TDRD6: variants seen among roughly 807,000 people sequenced by gnomAD.
TDRD6 encodes tudor domain-containing protein 6.
Under a neutral mutation model 157.5 loss-of-function variants are expected in TDRD6, and 186 were observed. The observed-to-expected ratio is 1.18, with a 90% CI of 1.05 to 1.33. The LOEUF (loss-of-function observed/expected upper bound fraction) is 1.33. Among genes scored for constraint, TDRD6 ranks in the 40% most tolerant of loss-of-function variants. The pLI is 0.00. For missense variants in TDRD6, 3,066 were observed against 2,508.0 expected (o/e 1.22, Z -4.75); for synonymous variants, 1,075 against 945.2 (o/e 1.14, Z -2.52).
chr6:46,693,003 G>A lies in TDRD6; in HGVS notation c.4875G>A (p.Leu1625=), dbSNP rs753831074. 6.2e-7 allele frequency: 1 copy of A among 1,612,712 alleles called. No homozygotes were observed. The highest frequency in any genetic ancestry group is 1.3e-5 in the African/African-American group (1 of 74,986). Residue 1625 remains leucine (L), a synonymous_variant, in exon 1 of 4, where the codon CTG becomes CTA. Coordinates refer to ENST00000316081, the MANE Select transcript of TDRD6 (RefSeq NM_001010870.3). The part of the protein sequence containing the change: ...KALWAIPSEL[L]SVPMQAFPCC... ...TCTGGGCCATTCCTTCTGAACTTCT[G>A]TCGGTTCCCATGCAAGCCTTTCCAT...
At chr6:46,681,870 T>G in the TDRD6 span, among the ~76,000 whole-genome samples, 1 of 152,092 alleles carries the variant, frequency 6.6e-6, no homozygotes, top group Non-Finnish European at 1.5e-5. Context: ...ACTAGAATAA[T>G]GAAAATTCAT....
In TDRD6 at chr6:46,688,387, G is replaced by A; in HGVS notation, c.259G>A (p.Val87Ile). Residue 87 changes from valine to isoleucine, a missense_variant, in exon 1 of 4, where the codon GTC becomes ATC. Val to Ile is a conservative substitution (Grantham distance 29, BLOSUM62 3). Coordinates refer to ENST00000316081, the MANE Select transcript of TDRD6 (RefSeq NM_001010870.3). ...GCTTTTGTGGCACCGCTGCCGCGTG[G>A]TCAGCCGGCAGGCACAGGAGAGCCG... ...VGLLWHRCRVVSRQAQESRVF... is the reference protein window; with the variant it reads ...VGLLWHRCRVISRQAQESRVF... The A allele has an allele frequency of 6.5e-7, 1 of 1,536,310 alleles. No individual in the cohort carries two copies. The highest frequency in any genetic ancestry group is 8.7e-7 in the Non-Finnish European group (1 of 1,145,108).
In TDRD6 at chr6:46,690,432, G is replaced by A. The variant is rs1272791057; in HGVS notation, c.2304G>A (p.Leu768=). Residue 768 remains leucine (L), a synonymous_variant, in exon 1 of 4, where the codon CTG becomes CTA. Coordinates refer to ENST00000316081, the MANE Select transcript of TDRD6 (RefSeq NM_001010870.3). ...IKPGSSSKGE[L]EVGSTVEVRV... ...CAGGCTCCTCTAGTAAAGGAGAGCTGGAAGTTGGAAGTACAGTAGAAGTCA... is the reference window on the plus strand; with the variant it reads ...CAGGCTCCTCTAGTAAAGGAGAGCTAGAAGTTGGAAGTACAGTAGAAGTCA... 6.2e-7 allele frequency: 1 copy of A among 1,614,040 alleles called. No homozygotes were observed.
chr6:46,689,614 G>T lies in TDRD6; in HGVS notation c.1486G>T (p.Val496Phe), dbSNP rs1461939232. 1 of 1,614,038 alleles carries T rather than the reference G, an allele frequency of 6.2e-7. No homozygotes were observed. The highest frequency in any genetic ancestry group is 8.5e-7 in the Non-Finnish European group (1 of 1,180,030). The change falls in exon 1 of 4, where the codon GTT becomes TTT. Residue 496 changes from valine (V) to phenylalanine (F), a missense_variant. Val to Phe is a conservative substitution (Grantham distance 50). Coordinates refer to ENST00000316081, the MANE Select transcript of TDRD6 (RefSeq NM_001010870.3). Reference sequence around the variant, plus strand: ...CTTCTACGATGCGCAGGTAGAGTTTGTTAAAAATCCTTCTGAGTTTTGGAT... The same window carrying T: ...CTTCTACGATGCGCAGGTAGAGTTTTTTAAAAATCCTTCTGAGTTTTGGAT... ...NAFYDAQVEF[V>F]KNPSEFWIRL... is the part of the protein sequence containing the mutation.
chr6:46,687,426 G>C (rs1764124517), upstream of TDRD6, among the ~76,000 whole-genome samples: 1 of 152,166 alleles, frequency 6.6e-6, no homozygotes, highest in Non-Finnish European at 1.5e-5. Context: ...GATGGAACAG[G>C]GTTAAAGAAT....
At chr6:46,687,854 C>T (rs1407785889), upstream of TDRD6, 3 of 416,932 alleles carry the variant, frequency 7.2e-6, no homozygotes, top group Non-Finnish European at 1.3e-5. Context: ...TCTCCGCGGC[C>T]GGAAGTGGCG....
chr6:46,701,904 G>T lies in TDRD6; in HGVS notation c.*17G>T, dbSNP rs1368942670. The T allele has an allele frequency of 6.2e-7, 1 of 1,611,426 alleles. No homozygotes were observed. The highest frequency in any genetic ancestry group is 2.2e-5 in the East Asian group (1 of 44,816). ...GAGATTTAACCGTGGATCTATAGCT[G>T]TGGCCAATCAGTCAGAAGCTGCCCT... is the stretch of plus-strand genomic sequence containing the variant. On this transcript the variant is annotated 3_prime_UTR_variant, in exon 4 of 4. Coordinates refer to ENST00000316081, the MANE Select transcript of TDRD6 (RefSeq NM_001010870.3).
In TDRD6 at chr6:46,688,271, G is replaced by A. The variant is rs1347852193; in HGVS notation, c.143G>A (p.Arg48Gln). The change falls in exon 1 of 4, where the codon CGG becomes CAG. Residue 48 changes from arginine to glutamine, a missense_variant. Transcript: ENST00000316081. ...CGGGGCGAGTACCTGCGGCTGAGCC[G>A]GGAAATCCAGGAAGCGGCGGCCACG... ...ERRGEYLRLSREIQEAAATRG... is the reference protein window; with the variant it reads ...ERRGEYLRLSQEIQEAAATRG... 1 of 1,504,100 alleles carries A rather than the reference G, an allele frequency of 6.6e-7. No individual in the cohort carries two copies. The highest frequency in any genetic ancestry group is 8.8e-7 in the Non-Finnish European group (1 of 1,134,564). The allele number at this position is 1,504,100 out of a possible 1,614,324, so 93.2% of individuals were successfully genotyped here.
At chr6:46,694,314 C>T in intron 1 of TDRD6, 140 bp downstream of exon 1, 1 of 571,036 alleles carries the variant, frequency 1.8e-6, no homozygotes, top group Non-Finnish European at 2.9e-6. Context: ...GTGATTTTCC[C>T]ACCTCAGCCT....
rs748212418 is a variant in TDRD6, at chr6:46,693,614, T to TA, written c.5487dup (p.Leu1830ThrfsTer7). 6.2e-7 allele frequency: 1 copy of TA among 1,614,150 alleles called. No homozygotes were observed. Among genetic ancestry groups the TA allele is most frequent in the Non-Finnish European group, 8.5e-7 (1 of 1,180,030 alleles). ...CCACATGCTAATGAAACAAAGGAGA[T>TA]ACTAGAACTGAATTCACTTGAGGTG... On this transcript the variant is annotated frameshift_variant, in exon 1 of 4. Coordinates refer to ENST00000316081, the MANE Select transcript of TDRD6 (RefSeq NM_001010870.3). LOFTEE classifies it high-confidence loss of function.
chr6:46,693,230 C>T lies in TDRD6; in HGVS notation c.5102C>T (p.Thr1701Ile), dbSNP rs748487540. Residue 1701 changes from threonine to isoleucine, a missense_variant, in exon 1 of 4, where the codon ACT (threonine) becomes ATT (isoleucine). By Grantham distance (89) the Thr-to-Ile change is moderately conservative. Coordinates refer to ENST00000316081, the MANE Select transcript of TDRD6 (RefSeq NM_001010870.3). ...GAGAAAATGGAGAAATATTCTAAGACTGGTATTAAAAGTGCTCTTCCCTAT... is the reference window on the plus strand; with the variant it reads ...GAGAAAATGGAGAAATATTCTAAGATTGGTATTAAAAGTGCTCTTCCCTAT... The part of the protein sequence containing the change: ...INEKMEKYSK[T>I]GIKSALPYEN... 2.5e-6 allele frequency: 4 copies of T among 1,613,062 alleles called. No homozygotes were observed. In the African/African-American group the frequency reaches 5.3e-5, roughly 22 times the overall value.
In TDRD6 at chr6:46,689,853, G is replaced by A. The variant is rs747244576; in HGVS notation, c.1725G>A (p.Ser575=). ...TATTCTTAGTTGACCGAGGCAATTC[G>A]GAAAATGTGGACTGGTATGACGTAA... ...VDVFLVDRGN[S]ENVDWYDVRM... Residue 575 remains serine (S), a synonymous_variant, in exon 1 of 4, where the codon TCG becomes TCA. Coordinates refer to ENST00000316081, the MANE Select transcript of TDRD6 (RefSeq NM_001010870.3). 11 of 1,614,056 alleles carry A rather than the reference G, an allele frequency of 6.8e-6. No homozygotes were observed. The highest frequency in any genetic ancestry group is 6.7e-5 in the African/African-American group (5 of 74,928).
chr6:46,692,630 A>T lies in TDRD6; in HGVS notation c.4502A>T (p.Asn1501Ile), dbSNP rs750728409. The change falls in exon 1 of 4, where the codon AAC becomes ATC. Residue 1501 changes from asparagine to isoleucine, a missense_variant. By Grantham distance (149) the Asn-to-Ile change is moderately radical. Coordinates refer to ENST00000316081, the MANE Select transcript of TDRD6 (RefSeq NM_001010870.3). ...AAAAGTGCCAGTTCAAAGTCTGTTA[A>T]CAAATCAGACATTGACACTTCAGTA... ...VIKSASSKSV[N>I]KSDIDTSVFL... The T allele has an allele frequency of 2.5e-6, 4 of 1,613,234 alleles. No individual in the cohort carries two copies. The South Asian group carries it at 4.4e-5, about 18-fold the overall frequency.
intron 3 of TDRD6, chr6:46,701,074 T>G (rs763422954): frequency 2.4e-6 from 1 of 416,674 alleles, no homozygotes; most frequent in Non-Finnish European, 4.9e-6. Flanking sequence ...TAACTTGTGT[T>G]TTTAAAACAA....
In TDRD6 at chr6:46,693,198, T is replaced by C; in HGVS notation, c.5070T>C (p.Ser1690=). ...TTGACTTGAAAAGCAAAGGTAAAAG[T>C]ATTAATGAGAAAATGGAGAAATATT... ...AIVDLKSKGK[S]INEKMEKYSK... is the part of the protein sequence containing the mutation. Residue 1690 remains serine, a synonymous_variant, in exon 1 of 4, where the codon AGT becomes AGC. Transcript: ENST00000316081. The C allele has an allele frequency of 6.2e-7, 1 of 1,610,292 alleles. No homozygotes were observed. The highest frequency in any genetic ancestry group is 1.1e-5 in the South Asian group (1 of 90,370).
chr6:46,684,109 C>A (rs999853325), upstream of TDRD6, among the ~76,000 whole-genome samples: 1 of 152,124 alleles, frequency 6.6e-6, no homozygotes, highest in African/African-American at 2.4e-5. Context: ...ACTATGCTCT[C>A]TCTACTCTCA....
At position 46,689,143 on chromosome 6, in the gene TDRD6, C is replaced by T. The variant is rs895057899; in HGVS notation, c.1015C>T (p.Arg339Cys). Residue 339 changes from arginine (R) to cysteine (C), a missense_variant, in exon 1 of 4, where the codon CGC becomes TGC. By Grantham distance (180) the Arg-to-Cys change is radical. Transcript: ENST00000316081. ...ALLLETFRPQRCAQVLHVDYG... is the reference protein window; with the variant it reads ...ALLLETFRPQCCAQVLHVDYG... ...GTTGCTTGAGACTTTTCGGCCCCAGCGCTGTGCCCAGGTGCTTCATGTGGA... is the reference window on the plus strand; with the variant it reads ...GTTGCTTGAGACTTTTCGGCCCCAGTGCTGTGCCCAGGTGCTTCATGTGGA... 11 of 1,614,184 alleles carry T rather than the reference C, an allele frequency of 6.8e-6. No homozygotes were observed. The highest frequency in any genetic ancestry group is 9.3e-6 in the Non-Finnish European group (11 of 1,180,030).
At position 46,703,932 on chromosome 6, in the gene TDRD6, C is replaced by T. The variant is rs1764688896; in HGVS notation, c.*2045C>T. Reference sequence around the variant, plus strand: ...AAAAATTACCAATTTAATCCACTGCCTTTGCCTCATCTCTAATATTCTTAA... The same window carrying T: ...AAAAATTACCAATTTAATCCACTGCTTTTGCCTCATCTCTAATATTCTTAA... On this transcript the variant is annotated 3_prime_UTR_variant, in exon 4 of 4. Coordinates refer to ENST00000316081, the MANE Select transcript of TDRD6 (RefSeq NM_001010870.3). 6.6e-6 allele frequency: 1 copy of T among 152,390 alleles called. No individual in the cohort carries two copies. The highest frequency in any genetic ancestry group is 1.9e-4 in the East Asian group (1 of 5,192). 9.4% of individuals were successfully genotyped at this position (152,390 alleles called of 1,614,324 possible).
intron 1 of TDRD6, among the ~76,000 whole-genome samples, 171 bp from the exon 2 acceptor site, chr6:46,695,649 CG>C (rs371881833): frequency 2.2e-4 from 34 of 151,790 alleles, no homozygotes; most frequent in African/African-American, 6.0e-4. Context: ...TATGGGGGGG[CG>C]GGCACTGTAA....
Sources: gnomAD v4.1 joint callset for allele counts (sites outside exome capture counted in the v4.1 genomes callset) on GRCh38, gnomAD v4.1.1 for gene constraint, MANE v1.5 for transcripts, NCBI Gene and HGNC (gene_info 2026-07-23, HGNC 2026-07-21) for gene names.